Variants in LUZP2 observed in about 807,000 individuals in gnomAD.
LUZP2 encodes the protein leucine zipper protein 2.
Under a neutral mutation model 51.6 loss-of-function variants are expected in LUZP2, and 52 were observed. The observed-to-expected ratio is 1.01, with a 90% CI of 0.81 to 1.27. The LOEUF is 1.27. Among genes scored for constraint, LUZP2 ranks in the 50% most tolerant of loss-of-function variants. The pLI is 0.00. For missense variants in LUZP2, 436 were observed against 395.4 expected (o/e 1.10, Z -0.87); for synonymous variants, 154 against 137.3 (o/e 1.12, Z -0.85).
intron 1 of LUZP2, among the ~76,000 whole-genome samples, chr11:24,625,157 G>C (rs1050258414): frequency 1.2e-4 from 18 of 145,092 alleles, no homozygotes; most frequent in African/African-American, 4.7e-4. Context: ...AAAATAGAGT[G>C]GAATAGTGAT....
chr11:24,730,189 A>T (rs1245752583), intron 2 of LUZP2, among the ~76,000 whole-genome samples: 1 of 151,668 alleles, frequency 6.6e-6, no homozygotes, highest in Non-Finnish European at 1.5e-5. Context: ...CTTATTGAAC[A>T]TGGTCAAGGT....
chr11:24,723,614 C>T (rs1371974249), intron 1 of LUZP2, among the ~76,000 whole-genome samples: 1 of 152,050 alleles, frequency 6.6e-6, no homozygotes, highest in Non-Finnish European at 1.5e-5. Context: ...TTATTTGAAG[C>T]CCAGAGTTCA....
intron 9 of LUZP2, among the ~76,000 whole-genome samples, chr11:24,985,942 C>T (rs1030357611): frequency 6.6e-6 from 1 of 151,630 alleles, no homozygotes; most frequent in Non-Finnish European, 1.5e-5. Flanking sequence ...TCTGCAAAGT[C>T]ACTAGACATG....
intron 3 of LUZP2, among the ~76,000 whole-genome samples, chr11:24,735,307 A>C (rs961034935): frequency 3.9e-5 from 6 of 151,918 alleles, no homozygotes; most frequent in Non-Finnish European, 7.4e-5. Flanking sequence ...GAGATTCCCC[A>C]GGTGAATGGA....
intron 4 of LUZP2, among the ~76,000 whole-genome samples, chr11:24,751,273 C>T (rs1265259326): frequency 6.6e-6 from 1 of 151,984 alleles, no homozygotes; most frequent in Admixed American, 6.6e-5. Context: ...TGAGTGATTC[C>T]TGGAAAGAAA....
intron 5 of LUZP2, among the ~76,000 whole-genome samples, chr11:24,842,829 G>A (rs1407339699): frequency 1.3e-5 from 2 of 151,762 alleles, no homozygotes; most frequent in East Asian, 3.9e-4. Flanking sequence ...ATATTAAAAA[G>A]AATAGCTAAA....
chr11:24,982,148 A>G (rs1856050765), intron 8 of LUZP2, among the ~76,000 whole-genome samples: 1 of 151,926 alleles, frequency 6.6e-6, no homozygotes, highest in Non-Finnish European at 1.5e-5. Flanking sequence ...GGGAAGACTT[A>G]TGTAGTTAGT....
At chr11:24,801,915 T>C (rs1479610370) in intron 5 of LUZP2, among the ~76,000 whole-genome samples, 1 of 151,792 alleles carries the variant, frequency 6.6e-6, no homozygotes, top group African/African-American at 2.4e-5. Context: ...ATCCCCAATT[T>C]TTTTTTAACT....
At chr11:24,545,109 C>T (rs932006307) in intron 1 of LUZP2, among the ~76,000 whole-genome samples, 2 of 149,354 alleles carry the variant, frequency 1.3e-5, no homozygotes, top group Non-Finnish European at 3.0e-5. Context: ...TGTTCATGTC[C>T]TTTGCCCACT....
chr11:24,965,893 T>C (rs1855569185), intron 7 of LUZP2, among the ~76,000 whole-genome samples: 1 of 151,772 alleles, frequency 6.6e-6, no homozygotes, highest in African/African-American at 2.4e-5. Flanking sequence ...CATTTAAAAA[T>C]CATCTACTCA....
At chr11:24,716,746 A>T (rs1004963229) in intron 1 of LUZP2, among the ~76,000 whole-genome samples, 3 of 152,006 alleles carry the variant, frequency 2.0e-5, no homozygotes, top group African/African-American at 7.3e-5. Context: ...AAATACAAAA[A>T]TGTTCTGGGC....
intron 5 of LUZP2, among the ~76,000 whole-genome samples, chr11:24,898,544 A>G (rs903298682): frequency 3.9e-5 from 6 of 152,066 alleles, no homozygotes; most frequent in African/African-American, 1.4e-4. Context: ...AATGGCATGA[A>G]CTTGGGAAGC....
chr11:25,020,030 T>G (rs1374567999), intron 9 of LUZP2, among the ~76,000 whole-genome samples: 1 of 152,100 alleles, frequency 6.6e-6, no homozygotes, highest in African/African-American at 2.4e-5. Context: ...AGGTTCCACT[T>G]TAACAACCAT....
intron 5 of LUZP2, among the ~76,000 whole-genome samples, chr11:24,852,751 T>G (rs531361719): frequency 6.6e-6 from 1 of 152,312 alleles, no homozygotes; most frequent in South Asian, 2.1e-4. Flanking sequence ...TGAATTTGGG[T>G]GCTCCTGTAT....
intron 10 of LUZP2, among the ~76,000 whole-genome samples, chr11:25,064,353 C>T (rs1858934755): frequency 6.6e-6 from 1 of 151,840 alleles, no homozygotes; most frequent in Admixed American, 6.6e-5. Flanking sequence ...TTTATAATTG[C>T]TTGTTAAATA....
intron 5 of LUZP2, among the ~76,000 whole-genome samples, chr11:24,875,250 C>G (rs1397306904): frequency 7.0e-6 from 1 of 142,976 alleles, no homozygotes; most frequent in Non-Finnish European, 1.5e-5. Flanking sequence ...TATCCTTCCC[C>G]CCTCCCCTCA....
At chr11:24,713,660 C>A (rs990437500) in intron 1 of LUZP2, among the ~76,000 whole-genome samples, 4 of 149,576 alleles carry the variant, frequency 2.7e-5, no homozygotes, top group African/African-American at 9.9e-5. Flanking sequence ...GACACTCTAT[C>A]CTGGATAACA....
rs143185792 is a variant in LUZP2, at chr11:24,886,934, G to A, written c.397-19057G>A. Among the ~76,000 whole-genome samples the A allele has an allele frequency of 1.4e-4, 22 of 152,304 alleles. No homozygotes were observed. In the East Asian group the frequency reaches 4.3e-3, roughly 29 times the overall value. On this transcript the variant is annotated intron_variant, in intron 5 of 11. Transcript: ENST00000336930. ...GGTCACTAATGGAAAATGAAGGGGT[G>A]CTGAACATGGGCATTTAGTGTCTCT...
At chr11:24,585,892 T>C (rs901121435) in intron 1 of LUZP2, among the ~76,000 whole-genome samples, 4 of 152,218 alleles carry the variant, frequency 2.6e-5, no homozygotes, top group African/African-American at 9.6e-5. Flanking sequence ...TTAATGAAGA[T>C]AAAATTTAGC....
Sources: allele counts gnomAD v4.1 joint callset (sites outside exome capture counted in the v4.1 genomes callset), GRCh38; gene constraint gnomAD v4.1.1; transcripts MANE v1.5; gene names NCBI Gene and HGNC (gene_info 2026-07-23, HGNC 2026-07-21).